The following TRPM1 variants were observed in gnomAD, a reference collection of about 807,000 sequenced individuals.
The protein encoded by TRPM1 is transient receptor potential cation channel subfamily M member 1, also known as TRPM1-203 APA Isoform, Intron 10.
A neutral mutation model predicts 149.4 loss-of-function variants in TRPM1; 113 were observed. That is an observed-to-expected ratio of 0.76 (90% CI 0.65 to 0.88). The LOEUF is 0.88. Among genes scored for constraint, TRPM1 ranks in the 40% least tolerant of loss-of-function variants. The probability of loss-of-function intolerance (pLI) is 0.00; values close to 1 mark genes in which losing one functional copy is unlikely to be tolerated. For synonymous variants in TRPM1, 741 were observed against 759.5 expected, an observed-to-expected ratio of 0.98 and a Z score of 0.40; for missense variants, 1,976 against 2,038.7, an observed-to-expected ratio of 0.97 and a Z score of 0.59.
chr15:31,106,624 C>G (rs1041377562), upstream of TRPM1, among the ~76,000 whole-genome samples: 12 of 152,152 alleles, frequency 7.9e-5, no homozygotes, highest in African/African-American at 2.9e-4. Flanking sequence ...CCTCTCATTT[C>G]TTTTGACAGC....
chr15:31,047,929 G>A lies in TRPM1; in HGVS notation c.1583C>T (p.Pro528Leu), dbSNP rs2033827276. 2 of 1,613,902 alleles carry A rather than the reference G, an allele frequency of 1.2e-6. No homozygotes were observed. ...LEELYNTRLG[P>L]PNTLHLLVRD... ...CACCAGCAGATGAAGTGTGTTTGGT[G>A]GACCCAGTCTCTGAAAGAGAAGCAT... Residue 528 changes from proline (P) to leucine (L), a missense_variant, in exon 14 of 28, where the codon CCA (proline) becomes CTA (leucine). Physicochemically the swap from Pro to Leu is moderately conservative, Grantham distance 98. Transcript: ENST00000256552.
chr15:31,015,267 G>A (rs2032318288), intron 27 of TRPM1, among the ~76,000 whole-genome samples: 1 of 151,970 alleles, frequency 6.6e-6, no homozygotes, highest in African/African-American at 2.4e-5. Flanking sequence ...TAATAAATTA[G>A]CTGGGCACGG....
chr15:31,064,417 A>G (rs568368360), intron 7 of TRPM1, among the ~76,000 whole-genome samples: 2 of 152,300 alleles, frequency 1.3e-5, no homozygotes, highest in Admixed American at 6.5e-5. Context: ...ACCTGCAGGC[A>G]TGGCTCTGGG....
intron 1 of TRPM1, among the ~76,000 whole-genome samples, chr15:31,089,256 T>A (rs1490148304): frequency 6.6e-6 from 1 of 152,184 alleles, no homozygotes; most frequent in Non-Finnish European, 1.5e-5. Flanking sequence ...TGGGTGGGTT[T>A]CTGAGGGTTG....
At chr15:31,124,144 G>A (rs559696733) in intron 1 of TRPM1, among the ~76,000 whole-genome samples, 1 of 152,284 alleles carries the variant, frequency 6.6e-6, no homozygotes, top group South Asian at 2.1e-4. Context: ...AGTTAGCTGG[G>A]CGTGGTGGTG....
chr15:31,023,134 T>G (rs1249968451), intron 27 of TRPM1, among the ~76,000 whole-genome samples: 2 of 152,240 alleles, frequency 1.3e-5, no homozygotes, highest in Admixed American at 6.5e-5. Flanking sequence ...TCATGCAGCT[T>G]AAGGCCTGAG....
chr15:31,052,124 C>T (rs980209315), intron 11 of TRPM1, among the ~76,000 whole-genome samples: 1 of 152,176 alleles, frequency 6.6e-6, no homozygotes, highest in Non-Finnish European at 1.5e-5. Context: ...TGGCACCCAC[C>T]CAGTGCATTT....
chr15:31,112,593 CT>C (rs966821123), intron 1 of TRPM1, among the ~76,000 whole-genome samples: 3 of 151,852 alleles, frequency 2.0e-5, no homozygotes, highest in African/African-American at 2.4e-5. Context: ...GCCAATTAAA[CT>C]TTTTTTTTAA....
At position 31,002,506 on chromosome 15, in the gene TRPM1, A is replaced by G. The variant is rs376765401; in HGVS notation, c.4194T>C (p.Thr1398=). ...CTGTTTTATTTAAACTTGGGGAAAT[A>G]GTTTCTTCTTTTTTAGAGTCTGTCT... ...ERQTDSKKEE[T]ISPSLNKTDV... Residue 1398 remains threonine (T), a synonymous_variant, in exon 28 of 28, where the codon ACT becomes ACC. Transcript: ENST00000256552. The G allele has an allele frequency of 2.1e-5, 34 of 1,613,968 alleles. No individual in the cohort carries two copies. The African/African-American group carries it at 3.9e-4, about 18-fold the overall frequency.
At chr15:31,083,726 T>C (rs1346757809) in intron 1 of TRPM1, among the ~76,000 whole-genome samples, 4 of 152,104 alleles carry the variant, frequency 2.6e-5, no homozygotes, top group Non-Finnish European at 5.9e-5. Flanking sequence ...TTCTGGGTGG[T>C]TCAGCTGAGA....
At chr15:31,044,611 T>C (rs2033712888) in intron 16 of TRPM1, among the ~76,000 whole-genome samples, 1 of 151,908 alleles carries the variant, frequency 6.6e-6, no homozygotes, top group South Asian at 2.1e-4. Context: ...TGAAGCCCCA[T>C]CTCTACTAAA....
Position 31,050,590 on chromosome 15 carries a change from C to T in TRPM1, c.1264-8G>A. On this transcript the variant is annotated splice_polypyrimidine_tract_variant and splice_region_variant and intron_variant, in intron 11 of 27. Coordinates refer to ENST00000256552, the MANE Select transcript of TRPM1 (RefSeq NM_001252024.2). ...TGCCAGGCTTCCCAGGGGCTGCAGT[C>T]CACAGCAATCAGAGTTGGGAAATGG... 1 of 1,614,018 alleles carries T rather than the reference C, an allele frequency of 6.2e-7. No individual in the cohort carries two copies. The highest frequency in any genetic ancestry group is 8.5e-7 in the Non-Finnish European group (1 of 1,180,018).
chr15:31,149,195 A>C (rs1401447596), intron 1 of TRPM1, among the ~76,000 whole-genome samples: 1 of 152,164 alleles, frequency 6.6e-6, no homozygotes, highest in African/African-American at 2.4e-5. Flanking sequence ...GGCCAGAGGG[A>C]GACTCTATTG....
At chr15:31,086,948 G>C (rs2035018207) in intron 1 of TRPM1, among the ~76,000 whole-genome samples, 1 of 152,116 alleles carries the variant, frequency 6.6e-6, no homozygotes, top group Non-Finnish European at 1.5e-5. Flanking sequence ...GAAGATGTAT[G>C]AATGGCCAAC....
At chr15:31,015,828 C>G (rs2032339088) in intron 27 of TRPM1, among the ~76,000 whole-genome samples, 1 of 152,180 alleles carries the variant, frequency 6.6e-6, no homozygotes. Flanking sequence ...ATTTCTGTTA[C>G]TCATATACAT....
chr15:31,124,861 C>T (rs1194030559), intron 1 of TRPM1, among the ~76,000 whole-genome samples: 1 of 151,992 alleles, frequency 6.6e-6, no homozygotes, highest in African/African-American at 2.4e-5. Flanking sequence ...GGGTGGATAC[C>T]TGACATTAAG....
intron 1 of TRPM1, among the ~76,000 whole-genome samples, chr15:31,155,525 T>C (rs1055890630): frequency 6.6e-6 from 1 of 152,198 alleles, no homozygotes; most frequent in African/African-American, 2.4e-5. Flanking sequence ...TTGCGAAGTA[T>C]CAAAACATGT....
At chr15:31,043,313 C>T (rs922822812) in intron 16 of TRPM1, among the ~76,000 whole-genome samples, 1 of 152,236 alleles carries the variant, frequency 6.6e-6, no homozygotes, top group Non-Finnish European at 1.5e-5. Flanking sequence ...CCTGCCTCAC[C>T]TCTGGAGTAG....
chr15:31,069,532 G>C (rs957949125), intron 4 of TRPM1: 2 of 1,139,406 alleles, frequency 1.8e-6, no homozygotes, highest in African/African-American at 3.2e-5. Flanking sequence ...CCTCCCCCAC[G>C]CTGGCAGGGC....
Sources: gnomAD v4.1 joint callset for allele counts (sites outside exome capture counted in the v4.1 genomes callset) on GRCh38, gnomAD v4.1.1 for gene constraint, MANE v1.5 for transcripts, NCBI Gene and HGNC (gene_info 2026-07-23, HGNC 2026-07-21) for gene names.